Variants in RGL1 observed in about 807,000 individuals in gnomAD.
The protein encoded by RGL1 is ral guanine nucleotide dissociation stimulator-like 1.
In RGL1, 24 loss-of-function variants were observed where a neutral mutation model predicts 95.2. That is an observed-to-expected ratio of 0.25 (90% CI 0.18 to 0.35). The LOEUF is 0.35. Among genes scored for constraint, RGL1 ranks in the 10% least tolerant of loss-of-function variants. The pLI is 1.00. For missense variants in RGL1, 715 were observed against 936.3 expected (o/e 0.76, Z 3.08); for synonymous variants, 329 against 344.9 (o/e 0.95, Z 0.51).
In RGL1 at chr1:183,883,786, A is replaced by G; in HGVS notation, c.611A>G (p.Asn204Ser). 6.2e-7 allele frequency: 1 copy of G among 1,614,000 alleles called. No homozygotes were observed. Among genetic ancestry groups the G allele is most frequent in the Non-Finnish European group, 8.5e-7 (1 of 1,179,860 alleles). ...QFQKQEVETD[N>S]GLPNTISFSL... ...ACTAATCTTTTCCATATGTGAACAG[A>G]TGGGCTTCCCAACACGATCTCCTTC... The change falls in exon 6 of 18, where the codon AAT (asparagine) becomes AGT (serine). Residue 204 changes from asparagine to serine, a missense_variant and splice_region_variant. Coordinates refer to ENST00000360851, the MANE Select transcript of RGL1 (RefSeq NM_001297671.3).
rs1373785991 is a variant in RGL1 at position 183,892,081 on chromosome 1, C to G, written c.1060C>G (p.Arg354Gly). Residue 354 changes from arginine (R) to glycine (G), a missense_variant, in exon 9 of 18, where the codon CGA becomes GGA. By Grantham distance (125) the Arg-to-Gly change is moderately radical. Coordinates refer to ENST00000360851, the MANE Select transcript of RGL1 (RefSeq NM_001297671.3). ...TTTCTTAATCCCTTTTCATAGGGACCGAATGCTGATGTTTGAAGAACTTTC... is the reference window on the plus strand; with the variant it reads ...TTTCTTAATCCCTTTTCATAGGGACGGAATGCTGATGTTTGAAGAACTTTC... The part of the protein sequence containing the change: ...KKTWAAVPRD[R>G]MLMFEELSDI... 3 of 1,610,834 alleles carry G rather than the reference C, an allele frequency of 1.9e-6. No individual in the cohort carries two copies. Among genetic ancestry groups the G allele is most frequent in the Non-Finnish European group, 2.5e-6 (3 of 1,177,816 alleles).
At chr1:183,891,246 C>T (rs960742004) in intron 8 of RGL1, among the ~76,000 whole-genome samples, 2 of 151,490 alleles carry the variant, frequency 1.3e-5, no homozygotes, top group African/African-American at 4.9e-5. Flanking sequence ...TGATATTGCC[C>T]CTATTAATTC....
At chr1:183,912,372 T>A in intron 15 of RGL1, 104 bp downstream of exon 15, 2 of 940,186 alleles carry the variant, frequency 2.1e-6, no homozygotes, top group Non-Finnish European at 3.1e-6. Flanking sequence ...CTCTATAGTA[T>A]TTTGAAAGTC....
At chr1:183,847,999 G>A (rs1330171923) in intron 3 of RGL1, among the ~76,000 whole-genome samples, 3 of 152,186 alleles carry the variant, frequency 2.0e-5, no homozygotes, top group Non-Finnish European at 2.9e-5. Context: ...AAAGAGTTGA[G>A]AGTGGATACC....
At chr1:183,901,046 A>C (rs1667987471) in intron 11 of RGL1, among the ~76,000 whole-genome samples, 1 of 151,374 alleles carries the variant, frequency 6.6e-6, no homozygotes, top group Admixed American at 6.6e-5. Context: ...CACGCCTGTA[A>C]TCCCAGCACT....
chr1:183,793,359 G>C (rs1660529234), intron 2 of RGL1, among the ~76,000 whole-genome samples: 1 of 151,996 alleles, frequency 6.6e-6, no homozygotes, highest in Non-Finnish European at 1.5e-5. Context: ...ACATTAGTCT[G>C]GGCAAAGATT....
intron 10 of RGL1, 86 bp from the exon 11 acceptor site, chr1:183,900,064 C>A: frequency 9.9e-7 from 1 of 1,014,232 alleles, no homozygotes; most frequent in Non-Finnish European, 1.5e-6. Flanking sequence ...GCCTTGAATA[C>A]ATCCATTTGC....
At chr1:183,919,349 T>C (rs10911468) in intron 16 of RGL1, among the ~76,000 whole-genome samples, 44,503 of 152,110 alleles carry the variant, frequency 0.29, 6,723 homozygotes, top group Non-Finnish European at 0.3. Context: ...AGCTAGTAGA[T>C]TTGTAGTTAG....
intron 14 of RGL1, among the ~76,000 whole-genome samples, chr1:183,911,766 G>A (rs1004842469): frequency 1.3e-5 from 2 of 152,154 alleles, no homozygotes; most frequent in African/African-American, 4.8e-5. Context: ...AGGAAGTGAT[G>A]GGGGTATGCT....
rs777353373 is a variant in RGL1 at position 183,660,904 on chromosome 1, C to CA, written c.-33+24404dup. On this transcript the variant is annotated intron_variant, in intron 1 of 18. Coordinates refer to the RGL1 transcript ENST00000304685. ...AACTAGAACTCAGGAATAAGAAACT[C>CA]ACTCAAAACCGCTCAACTACATGGA... Among the ~76,000 whole-genome samples, 68 of 152,302 alleles carry CA rather than the reference C, an allele frequency of 4.5e-4. 1 individual carries two copies. The highest frequency in any genetic ancestry group is 7.6e-4 in the Non-Finnish European group (52 of 68,034).
In RGL1 at chr1:183,724,964, A is replaced by AACACACACACAC. The variant is rs34336567; in HGVS notation, c.-32-17155_-32-17144dup. ...TCTCTCCCCCAGCTCTAGGCACCAC[A>AACACACACACAC]ACACACACACACACACACGGAGGGA... On this transcript the variant is annotated intron_variant, in intron 1 of 18. Transcript: ENST00000304685. The surrounding 1 kb of genome is among the most constrained non-coding windows in gnomAD (Gnocchi z 4.1). Among the ~76,000 whole-genome samples, 2 of 149,792 alleles carry AACACACACACAC rather than the reference A, an allele frequency of 1.3e-5. No homozygotes were observed. Among genetic ancestry groups the AACACACACACAC allele is most frequent in the East Asian group, 4.0e-4 (2 of 4,986 alleles).
chr1:183,910,961 T>C (rs1668609619), intron 14 of RGL1, among the ~76,000 whole-genome samples: 1 of 152,258 alleles, frequency 6.6e-6, no homozygotes, highest in African/African-American at 2.4e-5. Flanking sequence ...CTGACAGTTC[T>C]CAAATTTGAA....
intron 15 of RGL1, among the ~76,000 whole-genome samples, chr1:183,913,655 A>G (rs1668795162): frequency 6.6e-6 from 1 of 152,232 alleles, no homozygotes; most frequent in African/African-American, 2.4e-5. Context: ...TGGTTAGGTC[A>G]GTAAGGTAGA....
chr1:183,641,988 G>A (rs145161658), intron 1 of RGL1, among the ~76,000 whole-genome samples: 2 of 152,226 alleles, frequency 1.3e-5, no homozygotes, highest in African/African-American at 4.8e-5. Flanking sequence ...GACCATGGAC[G>A]TTTTTCTTTT....
At chr1:183,714,287 C>T (rs892053561) in intron 1 of RGL1, among the ~76,000 whole-genome samples, 7 of 152,128 alleles carry the variant, frequency 4.6e-5, no homozygotes, top group Non-Finnish European at 8.8e-5. Flanking sequence ...TGCCAGAGAA[C>T]AATGCAGTTC....
At chr1:183,926,005 T>C in intron 17 of RGL1, 100 bp from the exon 18 acceptor site, 1 of 986,204 alleles carries the variant, frequency 1.0e-6, no homozygotes, top group South Asian at 1.7e-5. Flanking sequence ...TGAAGGGCCG[T>C]AGTCCCGTTC....
chr1:183,815,718 C>A (rs187676405), intron 2 of RGL1, among the ~76,000 whole-genome samples: 29 of 152,314 alleles, frequency 1.9e-4, no homozygotes, highest in African/African-American at 6.0e-4. Flanking sequence ...TAGGCCTGAG[C>A]TCCTTACCTG....
At chr1:183,665,994 CTTCTTTTT>C (rs913005618) in intron 1 of RGL1, among the ~76,000 whole-genome samples, 1 of 145,730 alleles carries the variant, frequency 6.9e-6, no homozygotes, top group African/African-American at 2.5e-5. Flanking sequence ...GACTGAAGGT[CTTCTTTTT>C]TTCTTTTTTT....
rs966986115 is a variant in RGL1 at position 183,900,568 on chromosome 1, G to A, written c.1317+332G>A. On this transcript the variant is annotated intron_variant, in intron 11 of 17. Coordinates refer to ENST00000360851, the MANE Select transcript of RGL1 (RefSeq NM_001297671.3). ...TGTCCAAGCTGGAGTGCAATGGCAC[G>A]ATCTTGGCTCACTGCAATCTCTGCC... Among the ~76,000 whole-genome samples, 74 of 152,076 alleles carry A rather than the reference G, an allele frequency of 4.9e-4. 1 individual carries two copies. Among genetic ancestry groups the A allele is most frequent in the African/African-American group, 1.7e-3 (71 of 41,426 alleles).
Sources: allele counts gnomAD v4.1 joint callset (sites outside exome capture counted in the v4.1 genomes callset), GRCh38; gene constraint gnomAD v4.1.1; non-coding constraint Gnocchi (gnomAD v3.1); transcripts MANE v1.5; gene names NCBI Gene and HGNC (gene_info 2026-07-23, HGNC 2026-07-21).